Variants in SCRG1 observed in about 807,000 individuals in gnomAD.
The protein encoded by SCRG1 is stimulator of chondrogenesis 1.
A neutral mutation model predicts 7.7 loss-of-function variants in SCRG1; 3 were observed. That is an observed-to-expected ratio of 0.39 (90% confidence interval 0.18 to 1.01). The LOEUF is 1.01. Among genes scored for constraint, SCRG1 ranks in the 50% least tolerant of loss-of-function variants. The probability of loss-of-function intolerance (pLI) is 0.36; values close to 1 mark genes in which losing one functional copy is unlikely to be tolerated. For synonymous variants in SCRG1, 46 were observed against 41.2 expected (o/e 1.12, Z -0.44); for missense variants, 110 against 117.2 (o/e 0.94, Z 0.28).
the SCRG1 span, among the ~76,000 whole-genome samples, chr4:173,460,371 C>T: frequency 6.6e-6 from 1 of 152,168 alleles, no homozygotes; most frequent in African/African-American, 2.4e-5. Context: ...CTCCTCTAGT[C>T]CCAGACTGCA....
At chr4:173,444,217 A>G in the SCRG1 span, among the ~76,000 whole-genome samples, 1 of 151,776 alleles carries the variant, frequency 6.6e-6, no homozygotes, top group African/African-American at 2.4e-5. Flanking sequence ...CGGGTGATTC[A>G]CCCGCCTCGG....
chr4:173,424,219 A>G, the SCRG1 span, among the ~76,000 whole-genome samples: 2 of 152,220 alleles, frequency 1.3e-5, no homozygotes, highest in Admixed American at 1.3e-4. Context: ...ATACATAAGG[A>G]CAACATAAAT....
At chr4:173,397,256 A>G (rs1485253828) in intron 1 of SCRG1, among the ~76,000 whole-genome samples, 1 of 152,216 alleles carries the variant, frequency 6.6e-6, no homozygotes, top group Non-Finnish European at 1.5e-5. Flanking sequence ...TTGGCAATCC[A>G]TCAAAACCAT....
At chr4:173,507,279 G>A in the SCRG1 span, among the ~76,000 whole-genome samples, 7 of 152,006 alleles carry the variant, frequency 4.6e-5, no homozygotes, top group Non-Finnish European at 8.8e-5. The surrounding 1 kb of genome is among the most constrained non-coding windows in gnomAD (Gnocchi z 4.4). Context: ...TCTCGATGTC[G>A]GCTCACTGCA....
At chr4:173,507,959 C>CCGGAGG in the SCRG1 span, among the ~76,000 whole-genome samples, 3 of 152,214 alleles carry the variant, frequency 2.0e-5, no homozygotes, top group Non-Finnish European at 4.4e-5. This position sits in a 1 kb window ranked among gnomAD's most constrained non-coding sequence, Gnocchi z 4.4. Context: ...AGTGCGGCTC[C>CCGGAGG]CGGAGGCGCT....
the SCRG1 span, among the ~76,000 whole-genome samples, chr4:173,440,652 C>T: frequency 6.6e-6 from 1 of 152,176 alleles, no homozygotes. Flanking sequence ...TACTCATTTC[C>T]TAGGGCTGCT....
chr4:173,433,398 G>A, the SCRG1 span, among the ~76,000 whole-genome samples: 11 of 152,024 alleles, frequency 7.2e-5, no homozygotes, highest in East Asian at 2.1e-3. Context: ...CATGAAAACA[G>A]AAGCTTTTAA....
chr4:173,493,616 G>GAA, the SCRG1 span, among the ~76,000 whole-genome samples: 5,327 of 95,550 alleles, frequency 0.056, 391 homozygotes, highest in African/African-American at 0.18. Flanking sequence ...GACTCAGTCA[G>GAA]AAAAAAAAAA....
chr4:173,475,796 A>T, the SCRG1 span, among the ~76,000 whole-genome samples: 147,379 of 152,296 alleles, frequency 0.97, 71,527 homozygotes, highest in Non-Finnish European at 1. Context: ...TGCTTCAACA[A>T]GATAAATTTT....
Position 173,384,946 on chromosome 4 carries a change from T to A in SCRG1, c.*3395A>T, listed in dbSNP as rs987463102. 6.6e-6 allele frequency: 1 copy of A among 152,234 alleles called. No homozygotes were observed. The highest frequency in any genetic ancestry group is 1.5e-5 in the Non-Finnish European group (1 of 68,034). 9.4% of individuals were successfully genotyped at this position (152,234 alleles called of 1,614,324 possible). A position where few individuals can be genotyped will look rare whatever the true frequency, so the allele number is the denominator to read the frequency against. ...GTAAAGGAAATAATGCATTAGGTAA[T>A]GCTGTTAAACAACATAGTGGTTAAG... On this transcript the variant is annotated 3_prime_UTR_variant, in exon 3 of 3. Transcript: ENST00000296506.
intron 1 of SCRG1, among the ~76,000 whole-genome samples, chr4:173,405,538 T>TA (rs1350036517): frequency 2.0e-5 from 3 of 152,126 alleles, no homozygotes; most frequent in African/African-American, 7.2e-5. Flanking sequence ...GAGGGCGGAG[T>TA]AACTACATAA....
rs991162144 is a variant in SCRG1, at chr4:173,394,501, G to A, written c.-14-3073C>T. Among the ~76,000 whole-genome samples the A allele has an allele frequency of 3.9e-5, 6 of 152,160 alleles. No individual in the cohort carries two copies. The Middle Eastern group carries it at 0.01, about 259-fold the overall frequency. ...CTACTAAAAATACAAAAAATTAGCC[G>A]GGCGTGGTGGCGAGCGCCTGTAGTC... On this transcript the variant is annotated intron_variant, in intron 1 of 2. Transcript: ENST00000296506.
At chr4:173,390,694 G>A (rs1341233216) in intron 2 of SCRG1, among the ~76,000 whole-genome samples, 1 of 151,992 alleles carries the variant, frequency 6.6e-6, no homozygotes, top group African/African-American at 2.4e-5. Flanking sequence ...TCACCATGTT[G>A]GCCAAGTTGA....
At chr4:173,435,645 G>T in the SCRG1 span, among the ~76,000 whole-genome samples, 53 of 152,286 alleles carry the variant, frequency 3.5e-4, no homozygotes, top group Admixed American at 3.9e-4. Context: ...GCCAAGGTAG[G>T]CAGCAAGAAA....
chr4:173,429,589 C>T, the SCRG1 span, among the ~76,000 whole-genome samples: 2 of 152,312 alleles, frequency 1.3e-5, no homozygotes, highest in East Asian at 3.9e-4. Flanking sequence ...AGCCACTGAA[C>T]CCATCCTGAG....
At chr4:173,484,992 T>C in the SCRG1 span, among the ~76,000 whole-genome samples, 4 of 45,786 alleles carry the variant, frequency 8.7e-5, no homozygotes, top group African/African-American at 3.6e-4. Flanking sequence ...ATATAATATA[T>C]AATATATTAT....
the SCRG1 span, among the ~76,000 whole-genome samples, chr4:173,479,223 G>A: frequency 1.3e-5 from 2 of 152,198 alleles, no homozygotes; most frequent in East Asian, 3.9e-4. Context: ...CCCAATTTAC[G>A]AGTCCAAGCA....
the SCRG1 span, among the ~76,000 whole-genome samples, chr4:173,444,181 C>T: frequency 6.6e-6 from 1 of 152,086 alleles, no homozygotes; most frequent in Admixed American, 6.6e-5. Context: ...ACCATGTTGG[C>T]CAGGCTGGTC....
the SCRG1 span, among the ~76,000 whole-genome samples, chr4:173,434,942 T>C: frequency 6.6e-6 from 1 of 152,186 alleles, no homozygotes; most frequent in Non-Finnish European, 1.5e-5. Flanking sequence ...CTGAGTTTGA[T>C]CCCAGGCCCA....
Sources: gnomAD v4.1 joint callset for allele counts (sites outside exome capture counted in the v4.1 genomes callset) on GRCh38, gnomAD v4.1.1 for gene constraint, Gnocchi (gnomAD v3.1) non-coding constraint, MANE v1.5 for transcripts, NCBI Gene and HGNC (gene_info 2026-07-23, HGNC 2026-07-21) for gene names.